Variants in TPM3 observed in about 807,000 individuals in gnomAD.
TPM3 encodes the protein tropomyosin alpha-3 chain.
A neutral mutation model predicts 43.1 loss-of-function variants in TPM3; 16 were observed. The ratio of observed to expected loss-of-function variants is 0.37; its 90% CI spans 0.25 to 0.56. The LOEUF (loss-of-function observed/expected upper bound fraction) is 0.56, where lower values mean the gene tolerates loss of function less well. Among genes scored for constraint, TPM3 ranks in the 20% least tolerant of loss-of-function variants. The probability of loss-of-function intolerance (pLI) is 0.77; values close to 1 mark genes in which losing one functional copy is unlikely to be tolerated. For synonymous variants in TPM3, 101 were observed against 116.9 expected, an observed-to-expected ratio of 0.86 and a Z score of 0.88; for missense variants, 176 against 337.2, an observed-to-expected ratio of 0.52 and a Z score of 3.74.
chr1:154,191,486 G>A, intron 1 of TPM3, 175 bp from the exon 2 acceptor site: 2 of 1,334,270 alleles, frequency 1.5e-6, no homozygotes, highest in Admixed American at 2.1e-5. Context: ...AGCTTGGCCT[G>A]TGACCCTGTA....
intron 2 of TPM3, among the ~76,000 whole-genome samples, chr1:154,180,190 C>T (rs531592750): frequency 6.6e-6 from 1 of 152,254 alleles, no homozygotes; most frequent in East Asian, 1.9e-4. Flanking sequence ...CCTAGAACAC[C>T]AGTGTCTCAG....
At chr1:154,172,543 C>G (rs975504180) in intron 5 of TPM3, 1 of 469,662 alleles carries the variant, frequency 2.1e-6, no homozygotes, top group South Asian at 1.7e-5. Context: ...CAGGTTTGAG[C>G]CACCACACCC....
chr1:154,177,893 A>C (rs765429468), intron 2 of TPM3, among the ~76,000 whole-genome samples: 1 of 152,248 alleles, frequency 6.6e-6, no homozygotes, highest in African/African-American at 2.4e-5. Flanking sequence ...AAAATCGAGA[A>C]GTCAACATAA....
intron 2 of TPM3, chr1:154,187,259 G>C (rs1314853167): frequency 1.1e-6 from 1 of 935,632 alleles, no homozygotes; most frequent in Non-Finnish European, 1.3e-6. Context: ...GAGCATGACT[G>C]TGTTCCGATA....
downstream of TPM3, among the ~76,000 whole-genome samples, chr1:154,159,233 GAGTC>G (rs926872987): frequency 3.9e-5 from 6 of 152,192 alleles, no homozygotes; most frequent in Admixed American, 3.3e-4. Context: ...AGGGCAATAA[GAGTC>G]AGTCAGTTGG....
At chr1:154,178,797 C>T (rs991817887) in intron 2 of TPM3, among the ~76,000 whole-genome samples, 1 of 152,190 alleles carries the variant, frequency 6.6e-6, no homozygotes, top group Non-Finnish European at 1.5e-5. Context: ...GGAGGATATA[C>T]AGTACTCTGT....
chr1:154,179,971 G>T (rs979509901), intron 2 of TPM3, among the ~76,000 whole-genome samples: 11 of 152,002 alleles, frequency 7.2e-5, no homozygotes, highest in Non-Finnish European at 1.2e-4. Flanking sequence ...ATTTATAAAT[G>T]GTTAAAATGG....
At position 154,172,364 on chromosome 1, in the gene TPM3, T is replaced by C. The variant is rs149482728; in HGVS notation, c.566+544A>G. On this transcript the variant is annotated intron_variant, in intron 5 of 9. Transcript: ENST00000651641. ...ACGGGAGAGCAGTTAATATCTACCC[T>C]TGCCCTAAGGTTCCCTAGCAGATTG... 1.3e-4 allele frequency: 83 copies of C among 656,542 alleles called. 1 individual carries two copies. The East Asian group carries it at 2.6e-3, about 21-fold the overall frequency. The allele number at this position is 656,542 out of a possible 1,614,324, so 40.7% of individuals were successfully genotyped here. A position where few individuals can be genotyped will look rare whatever the true frequency, so the allele number is the denominator to read the frequency against.
chr1:154,174,374 A>ATATATATATATATATATATATATG (rs1661998537), intron 3 of TPM3, among the ~76,000 whole-genome samples: 1 of 71,580 alleles, frequency 1.4e-5, no homozygotes, highest in Non-Finnish European at 2.5e-5. Flanking sequence ...ATGTGTATAT[A>ATATATATATATATATATATATATG]TATATATATA....
chr1:154,155,647 C>G (rs771228014), downstream of TPM3: 4 of 232,650 alleles, frequency 1.7e-5, no homozygotes, highest in Admixed American at 5.5e-5. Flanking sequence ...GTTGTTTTCT[C>G]CAAATATCCA....
intron 6 of TPM3, 117 bp downstream of exon 6, chr1:154,171,296 G>A: frequency 9.7e-7 from 1 of 1,035,542 alleles, no homozygotes; most frequent in Non-Finnish European, 1.5e-6. Context: ...TGGTAAGGAG[G>A]TAGGAAGAGG....
chr1:154,169,648 C>A (rs1481963806), intron 8 of TPM3: 2 of 561,442 alleles, frequency 3.6e-6, no homozygotes, highest in African/African-American at 3.8e-5. Flanking sequence ...ATTCCTATTA[C>A]CAAAAGCACT....
chr1:154,189,380 C>A (rs1663572924), intron 2 of TPM3, among the ~76,000 whole-genome samples: 1 of 151,758 alleles, frequency 6.6e-6, no homozygotes, highest in African/African-American at 2.4e-5. Flanking sequence ...CCCAGCTACT[C>A]GGAAGGCTGA....
intron 2 of TPM3, chr1:154,183,012 C>T (rs563804140): frequency 6.2e-7 from 1 of 1,610,560 alleles, no homozygotes; most frequent in South Asian, 1.1e-5. Context: ...GCCTTTCTCC[C>T]TCAACTTCTC....
At chr1:154,178,265 C>T in intron 2 of TPM3, 1 of 817,978 alleles carries the variant, frequency 1.2e-6, no homozygotes, top group Non-Finnish European at 1.5e-6. Context: ...CTGGCTCAGG[C>T]AGTTTCTCCC....
chr1:154,171,446 G>A lies in TPM3; in HGVS notation c.609C>T (p.Asn203=). The A allele has an allele frequency of 6.2e-7, 1 of 1,614,188 alleles. No homozygotes were observed. Among genetic ancestry groups the A allele is most frequent in the Non-Finnish European group, 8.5e-7 (1 of 1,180,030 alleles). The change falls in exon 6 of 10, where the codon AAC becomes AAT. Residue 203 remains asparagine, a synonymous_variant. Transcript: ENST00000651641. ...ELEEELKNVT[N]NLKSLEAQAE... ...CCTGAGCCTCAAGAGACTTGAGGTT[G>A]TTGGTGACATTCTTCAGCTCCTCCT... is the stretch of plus-strand genomic sequence containing the variant.
At chr1:154,183,027 G>C in intron 2 of TPM3, 2 of 1,609,434 alleles carry the variant, frequency 1.2e-6, no homozygotes, top group Non-Finnish European at 1.7e-6. Context: ...CTTCTCGCTG[G>C]AGGCGCTCAG....
rs747311519 is a variant in TPM3, at chr1:154,182,967, T to C, written c.244-6719A>G. ...TACTCCAGCGCCTGCCCCTCCCTCA[T>C]GAGCCTCACCATCTCCGTACCTGTT... On this transcript the variant is annotated intron_variant, in intron 2 of 9. Transcript: ENST00000651641. 15 of 1,609,352 alleles carry C rather than the reference T, an allele frequency of 9.3e-6. No homozygotes were observed. The South Asian group carries it at 1.4e-4, about 15-fold the overall frequency.
At position 154,167,172 on chromosome 1, in the gene TPM3, A is replaced by G. The variant is rs1162386846; in HGVS notation, c.*765T>C. ...TTATCTTATATCCCACTAGTCACAC[A>G]CTAGCAGGCAAATGGTAGCAAGTCT... On this transcript the variant is annotated 3_prime_UTR_variant, in exon 10 of 10. Coordinates refer to ENST00000651641, the MANE Select transcript of TPM3 (RefSeq NM_152263.4). 2.7e-6 allele frequency: 1 copy of G among 371,432 alleles called. No individual in the cohort carries two copies. The highest frequency in any genetic ancestry group is 1.6e-4 in the East Asian group (1 of 6,098). The allele number at this position is 371,432 out of a possible 1,614,324, so 23.0% of individuals were successfully genotyped here.
Sources: gnomAD v4.1 joint callset for allele counts (sites outside exome capture counted in the v4.1 genomes callset) on GRCh38, gnomAD v4.1.1 for gene constraint, MANE v1.5 for transcripts, NCBI Gene and HGNC (gene_info 2026-07-23, HGNC 2026-07-21) for gene names.